OSTF1: variants seen among roughly 807,000 people sequenced by gnomAD.
The protein encoded by OSTF1 is osteoclast-stimulating factor 1.
OSTF1 carries 27 observed loss-of-function variants against 37.2 expected under a neutral mutation model. The observed-to-expected ratio is 0.73, with a 90% CI of 0.54 to 1.00. OSTF1 has a LOEUF of 1.00. Ranked by LOEUF, OSTF1 falls within the 50% of genes least tolerant of loss-of-function variation. The probability of loss-of-function intolerance (pLI) is 0.00; values close to 1 mark genes in which losing one functional copy is unlikely to be tolerated. For synonymous variants in OSTF1, 82 were observed against 89.2 expected (o/e 0.92, Z 0.46); for missense variants, 232 against 253.8 (o/e 0.91, Z 0.58).
Position 75,112,898 on chromosome 9 carries a change from C to T in OSTF1, c.35-4606C>T, listed in dbSNP as rs563628828. ...TTGTATAACTTCTCTTTGGAAAGTT[C>T]GAAGTAATCAAGATAACTAATCTCT... On this transcript the variant is annotated intron_variant, in intron 1 of 9. Transcript: ENST00000346234. Among the ~76,000 whole-genome samples the T allele has an allele frequency of 6.6e-5, 10 of 152,264 alleles. No individual in the cohort carries two copies. The East Asian group carries it at 1.5e-3, about 24-fold the overall frequency.
intron 6 of OSTF1, 139 bp downstream of exon 6, chr9:75,133,540 G>T (rs1825799614): frequency 1.7e-6 from 1 of 587,126 alleles, no homozygotes; most frequent in Non-Finnish European, 3.0e-6. Context: ...CAAAACCCTT[G>T]TTCCTGGAAG....
chr9:75,088,726 G>C lies in OSTF1; in HGVS notation c.34G>C (p.Gly12Arg). ...SKPPPKPVKPGQVKVFRALYT... is the reference protein window; with the variant it reads ...SKPPPKPVKPRQVKVFRALYT... Reference sequence around the variant, plus strand: ...GCCGCCACCCAAACCAGTCAAACCAGGTGAGGGAGGTAAGGTAGGCGCTTG... The same window carrying C: ...GCCGCCACCCAAACCAGTCAAACCACGTGAGGGAGGTAAGGTAGGCGCTTG... Residue 12 changes from glycine to arginine, a missense_variant and splice_region_variant, in exon 1 of 10, where the codon GGG (glycine) becomes CGG (arginine). Coordinates refer to ENST00000346234, the MANE Select transcript of OSTF1 (RefSeq NM_012383.5). 1 of 1,607,974 alleles carries C rather than the reference G, an allele frequency of 6.2e-7. No homozygotes were observed. The highest frequency in any genetic ancestry group is 8.5e-7 in the Non-Finnish European group (1 of 1,176,968).
In OSTF1 at chr9:75,130,573, A is replaced by G. The variant is rs1825746689; in HGVS notation, c.133-5A>G. ...TACCACTTAATTTAACTCTTCTTTT[A>G]CCAGAGCGATACCAATTGGTGGAAA... On this transcript the variant is annotated splice_polypyrimidine_tract_variant and splice_region_variant and intron_variant, in intron 3 of 9. Coordinates refer to ENST00000346234, the MANE Select transcript of OSTF1 (RefSeq NM_012383.5). The G allele has an allele frequency of 1.3e-6, 2 of 1,597,810 alleles. No individual in the cohort carries two copies. Among genetic ancestry groups the G allele is most frequent in the African/African-American group, 1.3e-5 (1 of 74,700 alleles).
At chr9:75,093,333 A>C (rs1352533990) in intron 1 of OSTF1, among the ~76,000 whole-genome samples, 1 of 152,184 alleles carries the variant, frequency 6.6e-6, no homozygotes, top group East Asian at 1.9e-4. Context: ...AGAGTGTAGA[A>C]GTGTAGAAAA....
chr9:75,101,722 A>G (rs557475865), intron 1 of OSTF1, among the ~76,000 whole-genome samples: 1 of 152,330 alleles, frequency 6.6e-6, no homozygotes, highest in Non-Finnish European at 1.5e-5. Context: ...ATAGTAAAAT[A>G]CCCTCAGCTA....
chr9:75,124,673 A>G (rs1392851515), intron 2 of OSTF1, among the ~76,000 whole-genome samples: 1 of 152,210 alleles, frequency 6.6e-6, no homozygotes, highest in Non-Finnish European at 1.5e-5. Context: ...CCCATTAAAC[A>G]GTTACTCCCT....
At chr9:75,104,959 A>G (rs1328760150) in intron 1 of OSTF1, among the ~76,000 whole-genome samples, 1 of 152,204 alleles carries the variant, frequency 6.6e-6, no homozygotes, top group African/African-American at 2.4e-5. Context: ...TTAATAGAAC[A>G]TTTACATCAC....
chr9:75,146,444 G>A (rs527240742), intron 9 of OSTF1, among the ~76,000 whole-genome samples: 83 of 152,280 alleles, frequency 5.5e-4, no homozygotes, highest in African/African-American at 1.9e-3. Flanking sequence ...GGAAATGGAT[G>A]CATGGCACCT....
chr9:75,108,008 G>C (rs2118459799), intron 1 of OSTF1, among the ~76,000 whole-genome samples: 1 of 152,192 alleles, frequency 6.6e-6, no homozygotes, highest in Admixed American at 6.5e-5. Flanking sequence ...AGGCCGAGGT[G>C]GGAGGATTGC....
Position 75,134,375 on chromosome 9 carries a change from A to C in OSTF1, c.388A>C (p.Asn130His), listed in dbSNP as rs766937821. 4 of 1,572,062 alleles carry C rather than the reference A, an allele frequency of 2.5e-6. No homozygotes were observed. The East Asian group carries it at 9.0e-5, about 36-fold the overall frequency. ...AGTGGAAATGCTATTTACTCAACCA[A>C]ATATTGAACTGAACCAGCAGGTAAG... is the stretch of plus-strand genomic sequence containing the variant. ...DIVEMLFTQP[N>H]IELNQQNKLG... Residue 130 changes from asparagine (N) to histidine (H), a missense_variant, in exon 7 of 10, where the codon AAT (asparagine) becomes CAT (histidine). Physicochemically the swap from Asn to His is moderately conservative, Grantham distance 68. Coordinates refer to ENST00000346234, the MANE Select transcript of OSTF1 (RefSeq NM_012383.5).
chr9:75,107,125 G>T (rs1825302010), intron 1 of OSTF1, among the ~76,000 whole-genome samples: 1 of 151,822 alleles, frequency 6.6e-6, no homozygotes, highest in South Asian at 2.1e-4. Flanking sequence ...GCCTGTGTTG[G>T]CCCAACAGAG....
Sources: allele counts gnomAD v4.1 joint callset (sites outside exome capture counted in the v4.1 genomes callset), GRCh38; gene constraint gnomAD v4.1.1; transcripts MANE v1.5; gene names NCBI Gene and HGNC (gene_info 2026-07-23, HGNC 2026-07-21).